The following RHPN2 variants were observed in gnomAD, a reference collection of about 807,000 sequenced individuals.
RHPN2 encodes rhophilin-2.
RHPN2 carries 40 observed loss-of-function variants against 79.0 expected under a neutral mutation model. The ratio of observed to expected loss-of-function variants is 0.51; its 90% CI spans 0.39 to 0.66. RHPN2 has a LOEUF of 0.66. Ranked by LOEUF, RHPN2 falls within the 30% of genes least tolerant of loss-of-function variation. The pLI, the probability that RHPN2 is intolerant of heterozygous loss-of-function variation, is 0.00. For synonymous variants in RHPN2, 285 were observed against 363.5 expected (o/e 0.78, Z 2.46); for missense variants, 686 against 883.5 (o/e 0.78, Z 2.83).
intron 7 of RHPN2, among the ~76,000 whole-genome samples, chr19:33,004,221 TG>T (rs1228752767): frequency 7.9e-5 from 12 of 152,196 alleles, no homozygotes; most frequent in Middle Eastern, 3.4e-3. Context: ...TAAAATTTTT[TG>T]TACAGATGGG....
intron 2 of RHPN2, among the ~76,000 whole-genome samples, chr19:33,034,158 T>C (rs1972035581): frequency 6.7e-6 from 1 of 149,954 alleles, no homozygotes; most frequent in South Asian, 2.2e-4. Context: ...GCGCCCGGCC[T>C]GGCAACAATT....
At chr19:33,018,337 A>AAGAG (rs1163984674) in intron 4 of RHPN2, among the ~76,000 whole-genome samples, 3 of 150,528 alleles carry the variant, frequency 2.0e-5, no homozygotes, top group Non-Finnish European at 4.4e-5. Context: ...TCAAAAAAAA[A>AAGAG]AGAGAGAGAG....
chr19:33,007,009 T>C (rs1036825122), intron 7 of RHPN2, among the ~76,000 whole-genome samples: 2 of 151,806 alleles, frequency 1.3e-5, no homozygotes, highest in Non-Finnish European at 2.9e-5. Flanking sequence ...GCCACTGCAC[T>C]CCAGCCTGGG....
At chr19:33,048,934 A>G (rs529320707) in intron 1 of RHPN2, among the ~76,000 whole-genome samples, 79 of 152,186 alleles carry the variant, frequency 5.2e-4, no homozygotes, top group African/African-American at 1.8e-3. Flanking sequence ...GAGCTCAGAT[A>G]AGCAGCCATT....
chr19:33,023,526 AC>A (rs1971941532), intron 3 of RHPN2, among the ~76,000 whole-genome samples: 1 of 151,662 alleles, frequency 6.6e-6, no homozygotes, highest in African/African-American at 2.4e-5. Context: ...GGTGGCTCAC[AC>A]CTGTAATCCC....
chr19:33,044,157 A>C (rs1972123203), intron 2 of RHPN2, 92 bp downstream of exon 2: 12 of 947,818 alleles, frequency 1.3e-5, no homozygotes, highest in Non-Finnish European at 2.0e-5. Flanking sequence ...AATGAGGAGG[A>C]AACCCAAAGC....
intron 14 of RHPN2, among the ~76,000 whole-genome samples, chr19:32,986,534 G>A (rs983208830): frequency 2.0e-5 from 3 of 152,002 alleles, no homozygotes; most frequent in African/African-American, 4.8e-5. Context: ...GGTGGCTCAC[G>A]CCTGTAATCC....
intron 14 of RHPN2, among the ~76,000 whole-genome samples, chr19:32,983,150 TACACACACACAAACACACACACACAC>T (rs957017277): frequency 2.8e-5 from 3 of 106,204 alleles, no homozygotes; most frequent in Non-Finnish European, 5.7e-5. Context: ...CCCAGATCTC[TACACACACACAAACACACACACACAC>T]ACACACACAC....
intron 10 of RHPN2, among the ~76,000 whole-genome samples, chr19:32,998,560 T>C (rs1439592276): frequency 1.3e-5 from 2 of 151,866 alleles, no homozygotes; most frequent in African/African-American, 4.8e-5. Flanking sequence ...GGCAGGAAGA[T>C]CACTTGAAGC....
At chr19:32,987,420 T>C (rs1971620353) in intron 14 of RHPN2, among the ~76,000 whole-genome samples, 1 of 152,224 alleles carries the variant, frequency 6.6e-6, no homozygotes. Context: ...TGACTTCTGC[T>C]GCCACCTCTC....
chr19:33,029,095 G>A (rs559048131), intron 2 of RHPN2, among the ~76,000 whole-genome samples: 16 of 151,836 alleles, frequency 1.1e-4, no homozygotes, highest in African/African-American at 1.9e-4. Flanking sequence ...AGCCAAGATC[G>A]CGCCACCGCA....
At chr19:33,007,826 G>A (rs556715651) in intron 7 of RHPN2, among the ~76,000 whole-genome samples, 188 bp downstream of exon 7, 93 of 151,466 alleles carry the variant, frequency 6.1e-4, no homozygotes, top group African/African-American at 2.1e-3. Context: ...GCCTCCCGAA[G>A]TGCTGGGATT....
At chr19:33,023,531 T>C (rs1362444057) in intron 3 of RHPN2, among the ~76,000 whole-genome samples, 2 of 151,236 alleles carry the variant, frequency 1.3e-5, no homozygotes, top group African/African-American at 2.4e-5. Flanking sequence ...CTCACACCTG[T>C]AATCCCAGCT....
chr19:33,008,198 A>C lies in RHPN2; in HGVS notation c.594-18T>G, dbSNP rs1439663047. ...AGTCATACCTATGTGAAAGAAATGC[A>C]TTCCGAGAATACAGATTACTTGGCT... On this transcript the variant is annotated intron_variant, in intron 6 of 14. Coordinates refer to ENST00000254260, the MANE Select transcript of RHPN2 (RefSeq NM_033103.5). The C allele has an allele frequency of 6.2e-7, 1 of 1,612,424 alleles. No individual in the cohort carries two copies. Among genetic ancestry groups the C allele is most frequent in the Non-Finnish European group, 8.5e-7 (1 of 1,179,060 alleles).
At chr19:33,002,131 G>A (rs1245374657) in intron 9 of RHPN2, 116 bp downstream of exon 9, 11 of 1,294,478 alleles carry the variant, frequency 8.5e-6, no homozygotes, top group Non-Finnish European at 1.2e-5. Context: ...CCCATCCTCT[G>A]CCTTCAGCCT....
chr19:32,993,962 G>C lies in RHPN2; in HGVS notation c.1497+15C>G, dbSNP rs1485486631. On this transcript the variant is annotated intron_variant, in intron 12 of 14. Transcript: ENST00000254260. ...TCCCCTTAGGTCATTTGAATGTAGA[G>C]AGCATTCAACATACCAGCTTCTGGA... The C allele has an allele frequency of 1.3e-6, 2 of 1,580,630 alleles. No homozygotes were observed. The highest frequency in any genetic ancestry group is 8.7e-7 in the Non-Finnish European group (1 of 1,149,650).
At chr19:33,048,725 C>CAAAAAAAAAAAAAA (rs58396784) in intron 1 of RHPN2, among the ~76,000 whole-genome samples, 17 of 62,668 alleles carry the variant, frequency 2.7e-4, no homozygotes, top group South Asian at 1.5e-3. Flanking sequence ...GACTCAGTCT[C>CAAAAAAAAAAAAAA]AAAAAAAAAA....
At chr19:33,054,246 G>A (rs966548949) in intron 1 of RHPN2, among the ~76,000 whole-genome samples, 1 of 145,440 alleles carries the variant, frequency 6.9e-6, no homozygotes, top group African/African-American at 2.6e-5. Flanking sequence ...CACCCAGCAG[G>A]CCGGAGTGCA....
At chr19:32,988,102 G>A (rs1189111890) in intron 14 of RHPN2, among the ~76,000 whole-genome samples, 1 of 152,002 alleles carries the variant, frequency 6.6e-6, no homozygotes, top group Non-Finnish European at 1.5e-5. Context: ...GGGAGGCTGA[G>A]GCAAAAGGAT....
Sources: gnomAD v4.1 joint callset for allele counts (sites outside exome capture counted in the v4.1 genomes callset) on GRCh38, gnomAD v4.1.1 for gene constraint, MANE v1.5 for transcripts, NCBI Gene and HGNC (gene_info 2026-07-23, HGNC 2026-07-21) for gene names.